TMPRSS4: variants seen among roughly 807,000 people sequenced by gnomAD.
TMPRSS4 encodes transmembrane protease serine 4.
A neutral mutation model predicts 56.4 loss-of-function variants in TMPRSS4; 45 were observed. The observed-to-expected ratio is 0.80, with a 90% CI of 0.63 to 1.02. The LOEUF is 1.02. Among genes scored for constraint, TMPRSS4 ranks in the 50% least tolerant of loss-of-function variants. TMPRSS4 has a pLI of 0.00. For missense variants in TMPRSS4, 546 were observed against 556.7 expected (o/e 0.98, Z 0.19); for synonymous variants, 205 against 211.0 (o/e 0.97, Z 0.25).
rs1366332243 is a variant in TMPRSS4 at position 118,119,839 on chromosome 11, TA to T, written c.*1930del. The T allele has an allele frequency of 6.6e-6, 1 of 152,234 alleles. No homozygotes were observed. The highest frequency in any genetic ancestry group is 1.5e-5 in the Non-Finnish European group (1 of 68,034). The allele number at this position is 152,234 out of a possible 1,614,324, so 9.4% of individuals were successfully genotyped here. A position where few individuals can be genotyped will look rare whatever the true frequency, so the allele number is the denominator to read the frequency against. Reference sequence around the variant, plus strand: ...AAAAATGAATACTAGTTCCACATTTTAAAATCATGTTTAACTGTGGTCAAAT... The same window carrying T: ...AAAAATGAATACTAGTTCCACATTTTAAATCATGTTTAACTGTGGTCAAAT... On this transcript the variant is annotated 3_prime_UTR_variant, in exon 13 of 13. Coordinates refer to ENST00000437212, the MANE Select transcript of TMPRSS4 (RefSeq NM_019894.4).
At position 118,119,247 on chromosome 11, in the gene TMPRSS4, G is replaced by A. The variant is rs1233145627; in HGVS notation, c.*1334G>A. On this transcript the variant is annotated 3_prime_UTR_variant, in exon 13 of 13. Coordinates refer to ENST00000437212, the MANE Select transcript of TMPRSS4 (RefSeq NM_019894.4). ...AATCTTGGGTCGAGACCTATATGAA[G>A]GCTGGCAGTGGAGCTAAACCTGGAC... The A allele has an allele frequency of 1.0e-6, 1 of 985,282 alleles. No homozygotes were observed. Among genetic ancestry groups the A allele is most frequent in the Non-Finnish European group, 1.2e-6 (1 of 829,940 alleles). 61.0% of individuals were successfully genotyped at this position (985,282 alleles called of 1,614,324 possible).
At chr11:118,112,087 A>G (rs1011306885) in intron 8 of TMPRSS4, among the ~76,000 whole-genome samples, 187 bp downstream of exon 8, 1 of 152,148 alleles carries the variant, frequency 6.6e-6, no homozygotes, top group Non-Finnish European at 1.5e-5. Context: ...GTCTGAGCAG[A>G]GGGTGCTGGT....
intron 3 of TMPRSS4, among the ~76,000 whole-genome samples, chr11:118,099,505 T>A (rs1002176605): frequency 1.8e-5 from 2 of 109,178 alleles, no homozygotes; most frequent in African/African-American, 3.1e-5. Flanking sequence ...AAGAAAGACA[T>A]GTATCCACCC....
intron 7 of TMPRSS4, 92 bp downstream of exon 7, chr11:118,108,988 C>A: frequency 7.0e-7 from 1 of 1,438,246 alleles, no homozygotes; most frequent in Non-Finnish European, 9.7e-7. Context: ...TTCTGGGACT[C>A]CAAGTTTCAT....
Position 118,077,167 on chromosome 11 carries a change from C to A in TMPRSS4, c.-136C>A. ...ACCAAGGCCTGCCCTGCACTCGGGC[C>A]TCCTCCAGCCAGTGCTGACCAGGGA... On this transcript the variant is annotated 5_prime_UTR_variant, in exon 1 of 13. Transcript: ENST00000437212. 1 of 1,086,310 alleles carries A rather than the reference C, an allele frequency of 9.2e-7. No homozygotes were observed. Among genetic ancestry groups the A allele is most frequent in the South Asian group, 1.6e-5 (1 of 62,308 alleles). 67.3% of individuals were successfully genotyped at this position (1,086,310 alleles called of 1,614,324 possible). A position where few individuals can be genotyped will look rare whatever the true frequency, so the allele number is the denominator to read the frequency against.
chr11:118,104,715 C>T lies in TMPRSS4; in HGVS notation c.335C>T (p.Thr112Ile), dbSNP rs1946902092. 1 of 1,614,098 alleles carries T rather than the reference C, an allele frequency of 6.2e-7. No individual in the cohort carries two copies. The highest frequency in any genetic ancestry group is 2.2e-5 in the East Asian group (1 of 44,900). ...VAVRLSKDRSTLQVLDSATGN... is the reference protein window; with the variant it reads ...VAVRLSKDRSILQVLDSATGN... Reference sequence around the variant, plus strand: ...GTCCGCCTCTCCAAGGACCGATCCACACTGCAGGTGCTGGACTCGGCCACA... The same window carrying T: ...GTCCGCCTCTCCAAGGACCGATCCATACTGCAGGTGCTGGACTCGGCCACA... Residue 112 changes from threonine to isoleucine, a missense_variant, in exon 5 of 13, where the codon ACA becomes ATA. Coordinates refer to ENST00000437212, the MANE Select transcript of TMPRSS4 (RefSeq NM_019894.4).
chr11:118,089,123 G>C (rs140438573), intron 1 of TMPRSS4, among the ~76,000 whole-genome samples: 1 of 152,246 alleles, frequency 6.6e-6, no homozygotes, highest in East Asian at 1.9e-4. Flanking sequence ...CATCGACATT[G>C]ATGGCCCCCA....
intron 1 of TMPRSS4, among the ~76,000 whole-genome samples, chr11:118,078,166 G>A (rs1193721467): frequency 6.6e-6 from 1 of 152,056 alleles, no homozygotes; most frequent in Non-Finnish European, 1.5e-5. Flanking sequence ...AATACCTGGA[G>A]CGTCTTCGCT....
intron 3 of TMPRSS4, among the ~76,000 whole-genome samples, chr11:118,101,516 C>A (rs1429906637): frequency 6.6e-6 from 1 of 152,098 alleles, no homozygotes; most frequent in African/African-American, 2.4e-5. Flanking sequence ...TGCTCTCTTT[C>A]CCAGGCTAGA....
chr11:118,092,456 T>C lies in TMPRSS4; in HGVS notation c.4-2360T>C, dbSNP rs115586859. Among the ~76,000 whole-genome samples, 823 of 152,318 alleles carry C rather than the reference T, an allele frequency of 5.4e-3. 11 individuals are homozygous for C. The highest frequency in any genetic ancestry group is 0.019 in the African/African-American group (784 of 41,566). ...GAGCTGTCTTCTTGCGCTCAGTCAG[T>C]TCCTGGGCGGGGGCCGCCAGATCAG... On this transcript the variant is annotated intron_variant, in intron 1 of 12. Transcript: ENST00000437212.
intron 2 of TMPRSS4, 132 bp downstream of exon 2, chr11:118,094,987 C>T (rs2135341409): frequency 1.1e-6 from 1 of 917,196 alleles, no homozygotes; most frequent in African/African-American, 1.6e-5. Context: ...GACATCCAGT[C>T]ACCCGTCCAT....
At chr11:118,116,403 G>A (rs12281302) in intron 11 of TMPRSS4, among the ~76,000 whole-genome samples, 2,165 of 152,330 alleles carry the variant, frequency 0.014, 66 homozygotes, top group African/African-American at 0.049. Context: ...CAGTGGTTGG[G>A]GGAAAGGGGG....
chr11:118,081,379 T>C (rs974756254), intron 1 of TMPRSS4, among the ~76,000 whole-genome samples: 3 of 152,166 alleles, frequency 2.0e-5, no homozygotes, highest in African/African-American at 7.2e-5. Flanking sequence ...GTGACACGTC[T>C]AACGCCACCT....
Position 118,114,857 on chromosome 11 carries a change from C to CT in TMPRSS4, c.942dup (p.Asp315Ter), listed in dbSNP as rs767723350. ...CAGTCAGGCCCATCTGTCTGCCCTT[C>CT]TTTGATGAGGAGCTCACTCCAGCCA... On this transcript the variant is annotated frameshift_variant, in exon 10 of 13. Coordinates refer to ENST00000437212, the MANE Select transcript of TMPRSS4 (RefSeq NM_019894.4). LOFTEE classifies it high-confidence loss of function. The CT allele has an allele frequency of 3.1e-6, 5 of 1,608,970 alleles. No homozygotes were observed. In the South Asian group the frequency reaches 5.6e-5, roughly 18 times the overall value.
At chr11:118,101,999 T>C (rs1946743226) in intron 3 of TMPRSS4, among the ~76,000 whole-genome samples, 1 of 152,302 alleles carries the variant, frequency 6.6e-6, no homozygotes, top group African/African-American at 2.4e-5. Flanking sequence ...ATTATTTTTT[T>C]CTTCAAATTT....
chr11:118,096,832 A>G (rs12223110), intron 2 of TMPRSS4, among the ~76,000 whole-genome samples: 12,578 of 17,932 alleles, frequency 0.7, 5,614 homozygotes, highest in Non-Finnish European at 0.78. Flanking sequence ...AGAGAGAAAG[A>G]AAGAAGGAAA....
chr11:118,100,323 T>C (rs1210722772), intron 3 of TMPRSS4, among the ~76,000 whole-genome samples: 1 of 152,242 alleles, frequency 6.6e-6, no homozygotes, highest in Admixed American at 6.5e-5. Context: ...GGACTGCCTG[T>C]GCAGCCAGGG....
intron 3 of TMPRSS4, among the ~76,000 whole-genome samples, chr11:118,101,148 C>T (rs997378791): frequency 6.6e-6 from 1 of 152,184 alleles, no homozygotes; most frequent in African/African-American, 2.4e-5. Flanking sequence ...GGCCCTGGCT[C>T]TACACTGGAA....
At chr11:118,105,220 T>C (rs1565432244) in intron 5 of TMPRSS4, among the ~76,000 whole-genome samples, 1 of 152,122 alleles carries the variant, frequency 6.6e-6, no homozygotes, top group Non-Finnish European at 1.5e-5. Context: ...TTATTCAAAG[T>C]TTCGTTAGTT....
Sources: allele counts gnomAD v4.1 joint callset (sites outside exome capture counted in the v4.1 genomes callset), GRCh38; gene constraint gnomAD v4.1.1; transcripts MANE v1.5; gene names NCBI Gene and HGNC (gene_info 2026-07-23, HGNC 2026-07-21).